SLC4A10: variants seen among roughly 807,000 people sequenced by gnomAD.
The protein encoded by SLC4A10 is solute carrier family 4 member 10, also known as sodium-driven chloride bicarbonate exchanger.
SLC4A10 carries 42 observed loss-of-function variants against 137.7 expected under a neutral mutation model. That is an observed-to-expected ratio of 0.30 (90% CI 0.24 to 0.39). SLC4A10 has a LOEUF of 0.39. Among genes scored for constraint, SLC4A10 ranks in the 10% least tolerant of loss-of-function variants. SLC4A10 has a pLI of 1.00. For missense variants in SLC4A10, 925 were observed against 1,355.0 expected (o/e 0.68, Z 4.98); for synonymous variants, 474 against 464.1 (o/e 1.02, Z -0.27).
At chr2:161,696,529 C>G (rs1184588885) in intron 1 of SLC4A10, among the ~76,000 whole-genome samples, 2 of 136,328 alleles carry the variant, frequency 1.5e-5, no homozygotes, top group Non-Finnish European at 3.0e-5. Flanking sequence ...TTGTTCAATT[C>G]CCACCTATGA....
intron 1 of SLC4A10, among the ~76,000 whole-genome samples, chr2:161,704,193 T>C (rs1242372673): frequency 6.6e-6 from 1 of 151,674 alleles, no homozygotes; most frequent in Non-Finnish European, 1.5e-5. Context: ...GTCATACAAT[T>C]TTTTTCCAGT....
intron 1 of SLC4A10, among the ~76,000 whole-genome samples, chr2:161,746,363 C>T (rs937418984): frequency 6.6e-5 from 10 of 151,420 alleles, no homozygotes; most frequent in African/African-American, 9.7e-5. Context: ...TTCCTGTGGC[C>T]ACCACTACCC....
chr2:161,644,993 T>C (rs552139891), intron 1 of SLC4A10, among the ~76,000 whole-genome samples: 5 of 152,302 alleles, frequency 3.3e-5, no homozygotes, highest in Non-Finnish European at 4.4e-5. Context: ...CAATAAATGA[T>C]GAGGCATGAG....
At chr2:161,811,512 A>C (rs2056548837) in intron 3 of SLC4A10, among the ~76,000 whole-genome samples, 1 of 152,050 alleles carries the variant, frequency 6.6e-6, no homozygotes. Flanking sequence ...GATTGTAACC[A>C]TTATGAAGTT....
At chr2:161,650,842 A>C (rs56022510) in intron 1 of SLC4A10, among the ~76,000 whole-genome samples, 5 of 152,148 alleles carry the variant, frequency 3.3e-5, no homozygotes, top group African/African-American at 1.2e-4. Context: ...ATGGGCCTAC[A>C]GGTGTACCTC....
chr2:161,918,627 A>G (rs1449534905), intron 15 of SLC4A10, among the ~76,000 whole-genome samples: 2 of 152,180 alleles, frequency 1.3e-5, no homozygotes, highest in African/African-American at 4.8e-5. Context: ...GGTATGTGAC[A>G]AGGAGGGCAA....
chr2:161,674,708 G>A (rs577257214), intron 1 of SLC4A10, among the ~76,000 whole-genome samples: 1 of 152,180 alleles, frequency 6.6e-6, no homozygotes, highest in African/African-American at 2.4e-5. Flanking sequence ...TGGGAGGAAA[G>A]TCATCTTCAT....
At chr2:161,695,944 G>C (rs1420012296) in intron 1 of SLC4A10, among the ~76,000 whole-genome samples, 1 of 151,746 alleles carries the variant, frequency 6.6e-6, no homozygotes, top group Non-Finnish European at 1.5e-5. Context: ...TTAAGTTCTA[G>C]GGTACATGTG....
At chr2:161,783,019 C>T (rs1232388294) in intron 2 of SLC4A10, among the ~76,000 whole-genome samples, 1 of 151,746 alleles carries the variant, frequency 6.6e-6, no homozygotes, top group Non-Finnish European at 1.5e-5. Flanking sequence ...TTAGAGATAT[C>T]AACACTAAGA....
intron 14 of SLC4A10, 93 bp from the exon 15 acceptor site, chr2:161,905,549 C>A: frequency 6.7e-7 from 1 of 1,485,652 alleles, no homozygotes; most frequent in Non-Finnish European, 9.0e-7. Context: ...TTTACTTTCA[C>A]TTCCTGAATG....
chr2:161,980,388 C>A (rs545648489), intron 26 of SLC4A10, among the ~76,000 whole-genome samples: 2 of 152,252 alleles, frequency 1.3e-5, no homozygotes, highest in East Asian at 3.9e-4. Flanking sequence ...GTGGCTCAGG[C>A]CTATAATCTC....
intron 1 of SLC4A10, among the ~76,000 whole-genome samples, chr2:161,680,701 T>C (rs917875555): frequency 3.3e-5 from 5 of 152,128 alleles, no homozygotes; most frequent in Admixed American, 6.6e-5. Context: ...TCTCCCAGCT[T>C]TAAGGTGTAA....
At chr2:161,797,636 AT>A (rs57794862) in intron 2 of SLC4A10, among the ~76,000 whole-genome samples, 10,138 of 151,538 alleles carry the variant, frequency 0.067, 445 homozygotes, top group East Asian at 0.15. Context: ...TTCTCAAGTC[AT>A]TTTTTTTATA....
At chr2:161,866,440 C>G (rs1345807789) in intron 6 of SLC4A10, among the ~76,000 whole-genome samples, 1 of 151,820 alleles carries the variant, frequency 6.6e-6, no homozygotes, top group Non-Finnish European at 1.5e-5. Context: ...CTCTTCAGGG[C>G]TAATGTGAAG....
intron 25 of SLC4A10, 57 bp downstream of exon 25, chr2:161,976,933 A>G: frequency 3.3e-6 from 3 of 912,524 alleles, no homozygotes; most frequent in South Asian, 1.9e-5. Flanking sequence ...TTTGACATAA[A>G]CCATAAGCAA....
intron 5 of SLC4A10, among the ~76,000 whole-genome samples, chr2:161,857,857 T>TA (rs1431173204): frequency 6.6e-6 from 1 of 152,114 alleles, no homozygotes; most frequent in East Asian, 1.9e-4. Context: ...TTTGCAGAAA[T>TA]AAAAATAATT....
intron 2 of SLC4A10, among the ~76,000 whole-genome samples, chr2:161,788,540 C>G (rs547009982): frequency 6.6e-6 from 1 of 152,050 alleles, no homozygotes; most frequent in African/African-American, 2.4e-5. Flanking sequence ...CCTGGGCAGG[C>G]AGGAATGTGA....
intron 8 of SLC4A10, among the ~76,000 whole-genome samples, chr2:161,876,017 C>T (rs945319228): frequency 2.6e-5 from 4 of 152,130 alleles, no homozygotes; most frequent in African/African-American, 7.2e-5. Flanking sequence ...TCCAATTTCA[C>T]CTTGGTCTTC....
intron 4 of SLC4A10, among the ~76,000 whole-genome samples, chr2:161,846,740 T>C (rs1262432899): frequency 6.6e-6 from 1 of 152,206 alleles, no homozygotes; most frequent in Non-Finnish European, 1.5e-5. Context: ...TTGCAAACTA[T>C]ATGATTCCAT....
Sources: gnomAD v4.1 joint callset for allele counts (sites outside exome capture counted in the v4.1 genomes callset) on GRCh38, gnomAD v4.1.1 for gene constraint, MANE v1.5 for transcripts, NCBI Gene and HGNC (gene_info 2026-07-23, HGNC 2026-07-21) for gene names.